Variants in ARL15 observed in about 807,000 individuals in gnomAD.
The protein encoded by ARL15 is ADP-ribosylation factor-like protein 15.
In ARL15, 19 loss-of-function variants were observed where a neutral mutation model predicts 25.2. That is an observed-to-expected ratio of 0.75 (90% confidence interval 0.53 to 1.10). ARL15 has a LOEUF of 1.10. ARL15 is among the 50% of genes least tolerant of loss of function. ARL15 has a pLI of 0.00. For synonymous variants in ARL15, 94 were observed against 86.8 expected (o/e 1.08, Z -0.46); for missense variants, 220 against 246.0 (o/e 0.89, Z 0.71).
intron 3 of ARL15, among the ~76,000 whole-genome samples, chr5:54,145,581 A>C (rs1753881448): frequency 6.6e-6 from 1 of 151,970 alleles, no homozygotes; most frequent in Non-Finnish European, 1.5e-5. Context: ...CTCCCACCGA[A>C]GTATACAAAG....
chr5:54,217,322 A>G (rs1428641677), intron 1 of ARL15, among the ~76,000 whole-genome samples: 3 of 152,018 alleles, frequency 2.0e-5, no homozygotes, highest in Non-Finnish European at 4.4e-5. Flanking sequence ...TTGCAAATTT[A>G]CTGTGAAAGA....
At chr5:53,934,537 G>A (rs1393903679) in intron 4 of ARL15, among the ~76,000 whole-genome samples, 1 of 152,128 alleles carries the variant, frequency 6.6e-6, no homozygotes, top group African/African-American at 2.4e-5. Flanking sequence ...CTTACCACTA[G>A]GCACATACAT....
At chr5:53,996,741 G>A (rs1223478112) in intron 4 of ARL15, among the ~76,000 whole-genome samples, 2 of 151,972 alleles carry the variant, frequency 1.3e-5, no homozygotes, top group Non-Finnish European at 2.9e-5. Flanking sequence ...AGGCTGGTTA[G>A]GTGAAAGTCC....
At chr5:54,184,728 G>A (rs1238047623) in intron 1 of ARL15, among the ~76,000 whole-genome samples, 1 of 151,826 alleles carries the variant, frequency 6.6e-6, no homozygotes, top group South Asian at 2.1e-4. Flanking sequence ...CCATAAAGAT[G>A]GAGCTCAGTC....
chr5:53,913,349 T>C (rs1252939787), intron 4 of ARL15, among the ~76,000 whole-genome samples: 1 of 152,172 alleles, frequency 6.6e-6, no homozygotes, highest in African/African-American at 2.4e-5. Context: ...TACTCACAGA[T>C]CCTATCCCCT....
chr5:54,044,054 T>C (rs549019154), intron 4 of ARL15, among the ~76,000 whole-genome samples: 137 of 152,184 alleles, frequency 9.0e-4, no homozygotes, highest in East Asian at 2.7e-3. Context: ...TATTGCATCA[T>C]GACTACTAGT....
At chr5:54,114,885 T>C (rs1579813724) in intron 3 of ARL15, among the ~76,000 whole-genome samples, 1 of 152,252 alleles carries the variant, frequency 6.6e-6, no homozygotes, top group South Asian at 2.1e-4. Flanking sequence ...ATTTATTGCA[T>C]ATGATCAAGT....
intron 4 of ARL15, among the ~76,000 whole-genome samples, chr5:54,096,449 C>T (rs901119315): frequency 1.3e-5 from 2 of 152,080 alleles, no homozygotes; most frequent in African/African-American, 2.4e-5. Context: ...AGTCTTGTCC[C>T]GTCACCCAGG....
intron 4 of ARL15, among the ~76,000 whole-genome samples, chr5:53,907,900 A>C (rs62372376): frequency 0.089 from 13,601 of 152,108 alleles, 759 homozygotes; most frequent in Non-Finnish European, 0.13. Flanking sequence ...TTGGGCATCT[A>C]GAAATGTTTC....
At chr5:54,227,445 G>A (rs1249430426) in intron 1 of ARL15, among the ~76,000 whole-genome samples, 2 of 152,160 alleles carry the variant, frequency 1.3e-5, no homozygotes, top group Non-Finnish European at 1.5e-5. Flanking sequence ...GTATTACTAT[G>A]AGCGGCTTTT....
chr5:54,098,845 G>A (rs929195903), intron 4 of ARL15, among the ~76,000 whole-genome samples: 2 of 152,110 alleles, frequency 1.3e-5, no homozygotes, highest in African/African-American at 2.4e-5. Context: ...GTTTTAAGGA[G>A]GACTCCTAAA....
At chr5:54,007,706 A>T (rs981288016) in intron 4 of ARL15, among the ~76,000 whole-genome samples, 1 of 152,206 alleles carries the variant, frequency 6.6e-6, no homozygotes, top group Admixed American at 6.5e-5. Flanking sequence ...GCATAGGAGC[A>T]CAATATTGAC....
rs541815362 is a variant in ARL15 at position 54,073,682 on chromosome 5, T to C, written c.462+39520A>G. 1.3e-4 allele frequency among the ~76,000 whole-genome samples: 20 copies of C among 152,334 alleles called. No individual in the cohort carries two copies. The South Asian group carries it at 2.7e-3, about 21-fold the overall frequency. On this transcript the variant is annotated intron_variant, in intron 4 of 4. Coordinates refer to ENST00000504924, the MANE Select transcript of ARL15 (RefSeq NM_019087.3). ...CTCAGATTAAGTTTCCTTTTTTCCA[T>C]TGCCAATTACTGACATCATTTAAGC... is the stretch of plus-strand genomic sequence containing the variant.
chr5:54,046,509 C>A (rs570801005), intron 4 of ARL15, among the ~76,000 whole-genome samples: 2 of 151,264 alleles, frequency 1.3e-5, no homozygotes, highest in South Asian at 4.2e-4. Context: ...GAGAGAGAGA[C>A]AGAAAATAAA....
At chr5:54,015,179 T>G (rs1749383400) in intron 4 of ARL15, among the ~76,000 whole-genome samples, 1 of 151,588 alleles carries the variant, frequency 6.6e-6, no homozygotes, top group African/African-American at 2.4e-5. Flanking sequence ...CTGTAATAGC[T>G]ACTCAGGAGG....
At position 53,886,010 on chromosome 5, in the gene ARL15, T is replaced by C. The variant is rs958460556; in HGVS notation, c.*551A>G. 1 of 151,266 alleles carries C rather than the reference T, an allele frequency of 6.6e-6. No homozygotes were observed. Among genetic ancestry groups the C allele is most frequent in the Non-Finnish European group, 1.5e-5 (1 of 67,956 alleles). 9.4% of individuals were successfully genotyped at this position (151,266 alleles called of 1,614,324 possible). ...ACTATGGCAGGATATTCCTTCCTGA[T>C]AAGGTGATTAATGAAGTTTTTGGTG... On this transcript the variant is annotated 3_prime_UTR_variant, in exon 5 of 5. Coordinates refer to ENST00000504924, the MANE Select transcript of ARL15 (RefSeq NM_019087.3).
chr5:53,999,344 T>A (rs1737220235), intron 4 of ARL15, among the ~76,000 whole-genome samples: 1 of 151,762 alleles, frequency 6.6e-6, no homozygotes, highest in Non-Finnish European at 1.5e-5. Context: ...ATCCCAGCAC[T>A]TTGGGAGGCC....
At chr5:53,982,334 T>G in intron 4 of ARL15, among the ~76,000 whole-genome samples, 1 of 119,746 alleles carries the variant, frequency 8.4e-6, no homozygotes, top group African/African-American at 3.4e-5. Flanking sequence ...ACACCTCCCC[T>G]ACCCCCCCAC....
intron 2 of ARL15, among the ~76,000 whole-genome samples, chr5:54,168,667 CT>C (rs1190759735): frequency 6.6e-6 from 1 of 152,060 alleles, no homozygotes; most frequent in Non-Finnish European, 1.5e-5. Flanking sequence ...TAATCTTTCT[CT>C]GAATATACCT....
Sources: gnomAD v4.1 joint callset for allele counts (sites outside exome capture counted in the v4.1 genomes callset) on GRCh38, gnomAD v4.1.1 for gene constraint, MANE v1.5 for transcripts, NCBI Gene and HGNC (gene_info 2026-07-23, HGNC 2026-07-21) for gene names.